LRCH3: variants seen among roughly 807,000 people sequenced by gnomAD.
The protein encoded by LRCH3 is leucine rich repeats and calponin homology domain containing 3, also known as DISP complex protein LRCH3.
Under a neutral mutation model 104.5 loss-of-function variants are expected in LRCH3, and 68 were observed. The observed-to-expected ratio is 0.65, with a 90% CI of 0.54 to 0.80. The LOEUF (loss-of-function observed/expected upper bound fraction) is 0.80. Ranked by LOEUF, LRCH3 falls within the 30% of genes least tolerant of loss-of-function variation. The probability of loss-of-function intolerance (pLI) is 0.00; values close to 1 mark genes in which losing one functional copy is unlikely to be tolerated. For missense variants in LRCH3, 951 were observed against 953.9 expected (o/e 1.00, Z 0.04); for synonymous variants, 344 against 361.3 (o/e 0.95, Z 0.54).
At chr3:197,838,381 G>A (rs925984421) in intron 9 of LRCH3, among the ~76,000 whole-genome samples, 4 of 152,206 alleles carry the variant, frequency 2.6e-5, no homozygotes, top group Non-Finnish European at 4.4e-5. Flanking sequence ...TCAGTTGTTA[G>A]CCCTTTGAAG....
At chr3:197,868,804 A>T (rs1267442947) in intron 17 of LRCH3, among the ~76,000 whole-genome samples, 1 of 152,240 alleles carries the variant, frequency 6.6e-6, no homozygotes, top group Non-Finnish European at 1.5e-5. Flanking sequence ...CTACAGTGTT[A>T]GAAGTCAGGG....
chr3:197,791,846 G>A (rs1333892860), intron 1 of LRCH3, among the ~76,000 whole-genome samples: 2 of 152,162 alleles, frequency 1.3e-5, no homozygotes, highest in African/African-American at 2.4e-5. Context: ...GCCCCGCCCC[G>A]GTTTCTGCAG....
chr3:197,826,268 C>T (rs1313127088), intron 4 of LRCH3, among the ~76,000 whole-genome samples: 3 of 152,068 alleles, frequency 2.0e-5, no homozygotes, highest in Non-Finnish European at 4.4e-5. Context: ...ATTTCTTCTT[C>T]GTTATTGTGT....
At position 197,869,401 on chromosome 3, in the gene LRCH3, G is replaced by C. The variant is rs56925114; in HGVS notation, c.1874-759G>C. Reference sequence around the variant, plus strand: ...ACTGTACCTGCAGGAAGTAGAAAGCGGTGCACTGTACCTGCAGGAGGTAGA... The same window carrying C: ...ACTGTACCTGCAGGAAGTAGAAAGCCGTGCACTGTACCTGCAGGAGGTAGA... On this transcript the variant is annotated intron_variant, in intron 17 of 20. Transcript: ENST00000425562. Among the ~76,000 whole-genome samples the C allele has an allele frequency of 9.1e-3, 1,340 of 146,942 alleles. 51 individuals carry two copies. Among genetic ancestry groups the C allele is most frequent in the African/African-American group, 0.034 (1,289 of 38,286 alleles).
intron 15 of LRCH3, among the ~76,000 whole-genome samples, chr3:197,864,690 ATTTCTT>A (rs1391802269): frequency 2.1e-5 from 3 of 146,112 alleles, no homozygotes; most frequent in Non-Finnish European, 4.5e-5. Flanking sequence ...CCAAATCCTC[ATTTCTT>A]TTTCTTCTTC....
chr3:197,809,497 C>T (rs1345462178), intron 1 of LRCH3, among the ~76,000 whole-genome samples: 4 of 152,006 alleles, frequency 2.6e-5, no homozygotes, highest in African/African-American at 7.2e-5. Flanking sequence ...GTATTCAGCC[C>T]TGAGCTCCTT....
At chr3:197,821,540 T>C (rs1315080231) in intron 4 of LRCH3, among the ~76,000 whole-genome samples, 3 of 152,242 alleles carry the variant, frequency 2.0e-5, no homozygotes, top group Admixed American at 1.3e-4. Flanking sequence ...CCCTGCACTA[T>C]TCTCTAGATT....
At chr3:197,829,737 C>A in intron 6 of LRCH3, 64 bp downstream of exon 6, 1 of 1,119,430 alleles carries the variant, frequency 8.9e-7, no homozygotes, top group South Asian at 1.4e-5. Flanking sequence ...AAAATGGATA[C>A]TTAAATTTGC....
chr3:197,833,723 T>C (rs1172252739), intron 8 of LRCH3, among the ~76,000 whole-genome samples: 1 of 152,206 alleles, frequency 6.6e-6, no homozygotes, highest in East Asian at 1.9e-4. Flanking sequence ...TGCTGCCTCT[T>C]TTACTTTAAA....
chr3:197,862,708 C>T (rs1741026697), intron 15 of LRCH3, among the ~76,000 whole-genome samples: 2 of 152,162 alleles, frequency 1.3e-5, no homozygotes, highest in African/African-American at 4.8e-5. Flanking sequence ...GCCTCATTTA[C>T]CTGTTCATTC....
At chr3:197,859,971 T>C (rs1390279444) in intron 15 of LRCH3, among the ~76,000 whole-genome samples, 1 of 152,212 alleles carries the variant, frequency 6.6e-6, no homozygotes, top group Non-Finnish European at 1.5e-5. Flanking sequence ...ACATCCCTCG[T>C]TAGAGCTTGC....
chr3:197,877,579 C>G (rs1442162379), intron 20 of LRCH3, among the ~76,000 whole-genome samples: 1 of 151,958 alleles, frequency 6.6e-6, no homozygotes, highest in Non-Finnish European at 1.5e-5. Flanking sequence ...TTCTCTTTAC[C>G]CAGTTCACCG....
intron 19 of LRCH3, among the ~76,000 whole-genome samples, chr3:197,872,677 T>G (rs1451252680): frequency 6.6e-6 from 1 of 152,096 alleles, no homozygotes; most frequent in Non-Finnish European, 1.5e-5. Flanking sequence ...GCCAACATGG[T>G]GAAACCCCAA....
intron 19 of LRCH3, among the ~76,000 whole-genome samples, chr3:197,875,330 C>A (rs1455519706): frequency 6.6e-6 from 1 of 152,132 alleles, no homozygotes; most frequent in Non-Finnish European, 1.5e-5. Flanking sequence ...AGTTATGAAG[C>A]GATTGCCAGG....
chr3:197,868,160 G>A (rs1367170646), intron 17 of LRCH3, among the ~76,000 whole-genome samples: 2 of 152,186 alleles, frequency 1.3e-5, no homozygotes, highest in Admixed American at 6.5e-5. Flanking sequence ...GTCAGCCTCT[G>A]TACCCACAGA....
chr3:197,814,199 A>G (rs923659791), intron 1 of LRCH3, among the ~76,000 whole-genome samples: 2 of 152,142 alleles, frequency 1.3e-5, no homozygotes, highest in African/African-American at 4.8e-5. Flanking sequence ...TCATGGCGGG[A>G]GGCAAAAGGC....
intron 1 of LRCH3, among the ~76,000 whole-genome samples, chr3:197,798,821 G>A (rs986915307): frequency 9.2e-5 from 14 of 152,286 alleles, no homozygotes; most frequent in East Asian, 5.8e-4. Context: ...GCAACTAGCC[G>A]TAAGTGGTTA....
intron 12 of LRCH3, among the ~76,000 whole-genome samples, chr3:197,851,396 A>G (rs1316276800): frequency 6.6e-6 from 1 of 152,232 alleles, no homozygotes; most frequent in East Asian, 1.9e-4. Flanking sequence ...TTGCGTTAGA[A>G]CTGGTTAGGA....
intron 15 of LRCH3, among the ~76,000 whole-genome samples, chr3:197,859,751 A>G (rs1740668341): frequency 6.6e-6 from 1 of 151,980 alleles, no homozygotes; most frequent in African/African-American, 2.4e-5. Context: ...CTAGTTATTT[A>G]GCATTTTTTA....
Sources: allele counts gnomAD v4.1 joint callset (sites outside exome capture counted in the v4.1 genomes callset), GRCh38; gene constraint gnomAD v4.1.1; transcripts MANE v1.5; gene names NCBI Gene and HGNC (gene_info 2026-07-23, HGNC 2026-07-21).